The following DAGLA variants were observed in gnomAD, a reference collection of about 807,000 sequenced individuals.
DAGLA encodes the protein diacylglycerol lipase-alpha.
Under a neutral mutation model 102.6 loss-of-function variants are expected in DAGLA, and 22 were observed. The ratio of observed to expected loss-of-function variants is 0.21; its 90% CI spans 0.15 to 0.31. The LOEUF is 0.31. Ranked by LOEUF, DAGLA falls within the 10% of genes least tolerant of loss-of-function variation. The probability of loss-of-function intolerance (pLI) is 1.00; values close to 1 mark genes in which losing one functional copy is unlikely to be tolerated. For synonymous variants in DAGLA, 578 were observed against 628.9 expected, an observed-to-expected ratio of 0.92 and a Z score of 1.21; for missense variants, 927 against 1,446.6, an observed-to-expected ratio of 0.64 and a Z score of 5.83.
At chr11:61,721,067 T>C (rs2065278019) in intron 3 of DAGLA, among the ~76,000 whole-genome samples, 177 bp downstream of exon 3, 1 of 152,226 alleles carries the variant, frequency 6.6e-6, no homozygotes, top group African/African-American at 2.4e-5. Flanking sequence ...AACTGCAGCC[T>C]GAGGGCCAAA....
rs758542666 is a variant in DAGLA at position 61,686,675 on chromosome 11, C to T, written c.-45+6171C>T. Among the ~76,000 whole-genome samples, 6 of 152,164 alleles carry T rather than the reference C, an allele frequency of 3.9e-5. No homozygotes were observed. Among genetic ancestry groups the T allele is most frequent in the Non-Finnish European group, 7.3e-5 (5 of 68,028 alleles). ...TGCGGCTCTGGGGTGGAGGTCGGGACGGTGGCCCTCCGCTGTGTAAGGTGA... is the reference window on the plus strand; with the variant it reads ...TGCGGCTCTGGGGTGGAGGTCGGGATGGTGGCCCTCCGCTGTGTAAGGTGA... On this transcript the variant is annotated intron_variant, in intron 1 of 19. Transcript: ENST00000257215. The surrounding 1 kb of genome is among the most constrained non-coding windows in gnomAD (Gnocchi z 5.2).
At position 61,725,887 on chromosome 11, in the gene DAGLA, C is replaced by G. The variant is rs1040767165; in HGVS notation, c.549-108C>G. On this transcript the variant is annotated intron_variant, in intron 5 of 19. Transcript: ENST00000257215. The stretch of plus-strand genomic sequence containing the variant: ...TCCCCCAGAACCCACTGCGGGAACC[C>G]TTTGGTAGGGTCCTGGGAACAGCCT... 7 of 1,063,752 alleles carry G rather than the reference C, an allele frequency of 6.6e-6. No homozygotes were observed. The East Asian group carries it at 1.4e-4, about 22-fold the overall frequency. The allele number at this position is 1,063,752 out of a possible 1,614,324, so 65.9% of individuals were successfully genotyped here. A position where few individuals can be genotyped will look rare whatever the true frequency, so the allele number is the denominator to read the frequency against.
chr11:61,740,785 G>A (rs530156198), intron 18 of DAGLA, among the ~76,000 whole-genome samples, 193 bp downstream of exon 18: 7 of 152,134 alleles, frequency 4.6e-5, no homozygotes, highest in African/African-American at 1.2e-4. Context: ...ACATCACCAC[G>A]TTGCCCCATG....
At chr11:61,728,808 C>T in intron 7 of DAGLA, 123 bp from the exon 8 acceptor site, 1 of 757,276 alleles carries the variant, frequency 1.3e-6, no homozygotes, top group Non-Finnish European at 2.2e-6. Context: ...CTAGAAGCTG[C>T]ATGCTCGTTT....
chr11:61,710,194 C>T (rs2065182334), intron 1 of DAGLA, among the ~76,000 whole-genome samples: 2 of 152,038 alleles, frequency 1.3e-5, no homozygotes, highest in African/African-American at 2.4e-5. Flanking sequence ...GAAGCCAGAG[C>T]GCTGGGATTC....
chr11:61,741,418 C>A, intron 19 of DAGLA, 69 bp downstream of exon 19: 1 of 1,518,374 alleles, frequency 6.6e-7, no homozygotes, highest in Non-Finnish European at 8.8e-7. Flanking sequence ...CTTGTGTGCA[C>A]ATGCATTTTG....
intron 1 of DAGLA, among the ~76,000 whole-genome samples, chr11:61,714,124 G>A (rs1420055505): frequency 1.3e-5 from 2 of 152,186 alleles, no homozygotes; most frequent in African/African-American, 2.4e-5. Context: ...AGCAACCGTG[G>A]GGGCCCTTAT....
At chr11:61,725,277 C>A (rs1469956111) in intron 5 of DAGLA, among the ~76,000 whole-genome samples, 1 of 152,132 alleles carries the variant, frequency 6.6e-6, no homozygotes, top group Non-Finnish European at 1.5e-5. Flanking sequence ...ATAACTGGCC[C>A]ATTGCTCTGC....
chr11:61,696,023 C>T (rs1024688125), intron 1 of DAGLA, among the ~76,000 whole-genome samples: 4 of 152,244 alleles, frequency 2.6e-5, no homozygotes, highest in South Asian at 2.1e-4. Context: ...CGGCAGCCTG[C>T]GGAGGCCTCG....
chr11:61,722,052 G>A (rs548527651), intron 3 of DAGLA, among the ~76,000 whole-genome samples: 71 of 152,378 alleles, frequency 4.7e-4, no homozygotes, highest in African/African-American at 1.7e-3. Flanking sequence ...AGGGGCCTGA[G>A]CTGGATGCAG....
intron 10 of DAGLA, among the ~76,000 whole-genome samples, chr11:61,735,249 G>A (rs1452552917): frequency 3.9e-5 from 6 of 152,168 alleles, no homozygotes; most frequent in African/African-American, 1.2e-4. Context: ...TTGGGTTGCC[G>A]AGCCCTAGCC....
chr11:61,701,657 A>G (rs995250380), intron 1 of DAGLA, among the ~76,000 whole-genome samples: 2 of 152,186 alleles, frequency 1.3e-5, no homozygotes, highest in Non-Finnish European at 2.9e-5. Flanking sequence ...AAGTTGGCAA[A>G]GGGCAGTTCT....
intron 1 of DAGLA, among the ~76,000 whole-genome samples, chr11:61,688,768 C>G (rs796808435): frequency 6.6e-6 from 1 of 151,994 alleles, no homozygotes; most frequent in East Asian, 2.0e-4. Flanking sequence ...CAGACCTCCC[C>G]TCACCCCTCA....
At chr11:61,726,319 A>G (rs768585574) in intron 6 of DAGLA, among the ~76,000 whole-genome samples, 1 of 145,562 alleles carries the variant, frequency 6.9e-6, no homozygotes, top group Non-Finnish European at 1.5e-5. Context: ...TGAAGACTGC[A>G]TCAACTCCCT....
At chr11:61,717,312 G>A (rs531717827) in intron 1 of DAGLA, among the ~76,000 whole-genome samples, 3 of 152,128 alleles carry the variant, frequency 2.0e-5, no homozygotes, top group Non-Finnish European at 4.4e-5. Context: ...TGTATGAATT[G>A]GCCTGGAGAG....
In DAGLA at chr11:61,722,999, C is replaced by T. The variant is rs571472331; in HGVS notation, c.409+39C>T. On this transcript the variant is annotated intron_variant, in intron 4 of 19. Coordinates refer to ENST00000257215, the MANE Select transcript of DAGLA (RefSeq NM_006133.3). ...AGGCCTGCTGGAGCCTCAGCAGCCC[C>T]GGGGGCACAGGGGACGAGATCAGTT... The T allele has an allele frequency of 5.7e-4, 854 of 1,506,448 alleles. 13 individuals are homozygous for T. In the South Asian group the frequency reaches 8.5e-3, roughly 15 times the overall value. 93.3% of individuals were successfully genotyped at this position (1,506,448 alleles called of 1,614,324 possible). A position where few individuals can be genotyped will look rare whatever the true frequency, so the allele number is the denominator to read the frequency against.
Position 61,689,512 on chromosome 11 carries a change from T to G in DAGLA, c.-45+9008T>G, listed in dbSNP as rs1050477340. On this transcript the variant is annotated intron_variant, in intron 1 of 19. Coordinates refer to ENST00000257215, the MANE Select transcript of DAGLA (RefSeq NM_006133.3). ...TTTGAGCCTCAGTTTCCTCATCTTTTTTTTTTTTTTGAGATGGAGTCTTGC... is the reference window on the plus strand; with the variant it reads ...TTTGAGCCTCAGTTTCCTCATCTTTGTTTTTTTTTTGAGATGGAGTCTTGC... Among the ~76,000 whole-genome samples the G allele has an allele frequency of 9.7e-4, 112 of 114,970 alleles. 1 individual carries two copies. The highest frequency in any genetic ancestry group is 3.2e-3 in the African/African-American group (111 of 35,120). 75.4% of individuals were successfully genotyped at this position (114,970 alleles called of 152,430 possible).
Position 61,738,189 on chromosome 11 carries a change from G to A in DAGLA, c.1638G>A (p.Gln546=). 6.2e-7 allele frequency: 1 copy of A among 1,613,106 alleles called. No individual in the cohort carries two copies. ...GFRRQLLDVL[Q]RSTKPKWRII... ...GCAGACAGCTCCTGGATGTCCTGCA[G>A]CGAAGCACCAAGCCCAAAGTGAGCC... Residue 546 remains glutamine (Q), a synonymous_variant, in exon 16 of 20, where the codon CAG becomes CAA. Transcript: ENST00000257215.
chr11:61,706,624 A>C (rs933933296), intron 1 of DAGLA, among the ~76,000 whole-genome samples: 1 of 152,180 alleles, frequency 6.6e-6, no homozygotes, highest in Non-Finnish European at 1.5e-5. Flanking sequence ...CACAACATCC[A>C]GAGACAGGAG....
Sources: gnomAD v4.1 joint callset for allele counts (sites outside exome capture counted in the v4.1 genomes callset) on GRCh38, gnomAD v4.1.1 for gene constraint, Gnocchi (gnomAD v3.1) non-coding constraint, MANE v1.5 for transcripts, NCBI Gene and HGNC (gene_info 2026-07-23, HGNC 2026-07-21) for gene names.